The following CCDC170 variants were observed in gnomAD, a reference collection of about 807,000 sequenced individuals.
CCDC170 encodes the protein coiled-coil domain-containing protein 170.
CCDC170 carries 69 observed loss-of-function variants against 72.6 expected under a neutral mutation model. The observed-to-expected ratio is 0.95, with a 90% CI of 0.78 to 1.16. The LOEUF (loss-of-function observed/expected upper bound fraction) is 1.16. Among genes scored for constraint, CCDC170 ranks in the 50% most tolerant of loss-of-function variants. The pLI, the probability that CCDC170 is intolerant of heterozygous loss-of-function variation, is 0.00. For synonymous variants in CCDC170, 300 were observed against 303.9 expected (o/e 0.99, Z 0.13); for missense variants, 852 against 832.5 (o/e 1.02, Z -0.29).
chr6:151,514,517 A>G (rs1782207585), intron 1 of CCDC170, among the ~76,000 whole-genome samples: 2 of 152,168 alleles, frequency 1.3e-5, no homozygotes, highest in Admixed American at 6.5e-5. Context: ...AAGAGGAAGA[A>G]CCCAGAAGGT....
chr6:151,544,834 G>A (rs1037505054), intron 4 of CCDC170, 118 bp downstream of exon 4: 1 of 916,690 alleles, frequency 1.1e-6, no homozygotes, highest in East Asian at 2.5e-5. Flanking sequence ...TAGACCAAGT[G>A]TAGTATTAAT....
chr6:151,523,002 C>G (rs1012888843), intron 1 of CCDC170, among the ~76,000 whole-genome samples: 5 of 152,168 alleles, frequency 3.3e-5, no homozygotes, highest in Admixed American at 2.0e-4. Flanking sequence ...CAAGAACCCT[C>G]TCTTGGGGTC....
At chr6:151,604,390 T>A (rs938001861) in intron 9 of CCDC170, among the ~76,000 whole-genome samples, 3 of 152,148 alleles carry the variant, frequency 2.0e-5, no homozygotes, top group Non-Finnish European at 2.9e-5. Context: ...AGAGGCATGC[T>A]CCTGGGGGTC....
Position 151,593,242 on chromosome 6 carries a change from A to G in CCDC170, c.1429A>G (p.Ile477Val). 6.2e-7 allele frequency: 1 copy of G among 1,614,236 alleles called. No homozygotes were observed. The highest frequency in any genetic ancestry group is 8.5e-7 in the Non-Finnish European group (1 of 1,180,034). The change falls in exon 8 of 11, where the codon ATT becomes GTT. Residue 477 changes from isoleucine to valine, a missense_variant. Transcript: ENST00000239374. ...GGTTCGTCTTGAGAGCAATGCAGTC[A>G]TTGAGAACAAGACCATTGCCCACAA... Reference protein sequence around the residue: ...QLVRLESNAVIENKTIAHNLQ... With the variant: ...QLVRLESNAVVENKTIAHNLQ...
Position 151,618,172 on chromosome 6 carries a change from GC to G in CCDC170, c.*27del. On this transcript the variant is annotated 3_prime_UTR_variant, in exon 11 of 11. Coordinates refer to ENST00000239374, the MANE Select transcript of CCDC170 (RefSeq NM_025059.4). The stretch of plus-strand genomic sequence containing the variant: ...AACACTGTATCTCTTGAGAGAGGTG[GC>G]CATAAGACATGGCACACAATTCCCA... 6.3e-7 allele frequency: 1 copy of G among 1,585,480 alleles called. No homozygotes were observed.
At chr6:151,547,585 G>A (rs1782797248) in intron 4 of CCDC170, among the ~76,000 whole-genome samples, 1 of 152,058 alleles carries the variant, frequency 6.6e-6, no homozygotes, top group African/African-American at 2.4e-5. Context: ...GAGGCTCAAA[G>A]GTATATCACT....
intron 5 of CCDC170, among the ~76,000 whole-genome samples, chr6:151,564,577 C>G (rs1379669325): frequency 3.3e-5 from 5 of 152,160 alleles, no homozygotes; most frequent in African/African-American, 4.8e-5. Flanking sequence ...GGCTCTCAAG[C>G]TGTCTGTGCT....
Position 151,614,629 on chromosome 6 carries a change from A to ATTT in CCDC170, c.1711-799_1711-797dup, listed in dbSNP as rs34242496. On this transcript the variant is annotated intron_variant, in intron 9 of 10. Coordinates refer to ENST00000239374, the MANE Select transcript of CCDC170 (RefSeq NM_025059.4). The stretch of plus-strand genomic sequence containing the variant: ...GCCACCATGGCTGGCTAACTTTTGT[A>ATTT]TTTTTTTTTTTTTTTTTGTTAGTAG... Among the ~76,000 whole-genome samples, 3 of 135,110 alleles carry ATTT rather than the reference A, an allele frequency of 2.2e-5. 1 individual carries two copies. The highest frequency in any genetic ancestry group is 3.2e-5 in the Non-Finnish European group (2 of 62,664). 88.6% of individuals were successfully genotyped at this position (135,110 alleles called of 152,430 possible).
intron 7 of CCDC170, among the ~76,000 whole-genome samples, chr6:151,590,704 A>G (rs550375662): frequency 6.6e-6 from 1 of 152,350 alleles, no homozygotes. Flanking sequence ...CTTTTGAAAT[A>G]GAGACAAAAT....
intron 5 of CCDC170, among the ~76,000 whole-genome samples, chr6:151,562,049 G>T (rs1583027316): frequency 6.6e-6 from 1 of 151,950 alleles, no homozygotes; most frequent in East Asian, 1.9e-4. Context: ...TTACTTTAGT[G>T]ATTTTTTTCA....
chr6:151,536,131 C>A, intron 1 of CCDC170, 187 bp from the exon 2 acceptor site: 1 of 607,258 alleles, frequency 1.6e-6, no homozygotes. Flanking sequence ...CGAACTTTCT[C>A]CTGCTTCCCT....
intron 1 of CCDC170, among the ~76,000 whole-genome samples, chr6:151,514,362 A>T (rs1583004608): frequency 5.9e-5 from 1 of 16,816 alleles, no homozygotes; most frequent in African/African-American, 3.5e-4. Context: ...GGAGGGAGGG[A>T]GGGAGGGAGG....
At chr6:151,507,411 G>A (rs1444124966) in intron 1 of CCDC170, among the ~76,000 whole-genome samples, 1 of 152,094 alleles carries the variant, frequency 6.6e-6, no homozygotes, top group Non-Finnish European at 1.5e-5. Context: ...ATGGGTTTAT[G>A]AGGTTGCAAC....
intron 7 of CCDC170, among the ~76,000 whole-genome samples, chr6:151,590,187 A>G (rs1408807274): frequency 1.3e-5 from 2 of 152,118 alleles, no homozygotes; most frequent in Non-Finnish European, 2.9e-5. Flanking sequence ...ACTTTTTACC[A>G]TTATTGGATT....
chr6:151,593,362 A>G, intron 8 of CCDC170, 82 bp downstream of exon 8: 5 of 1,414,864 alleles, frequency 3.5e-6, no homozygotes, highest in East Asian at 2.4e-5. Flanking sequence ...TACTGCCACC[A>G]TGTTTACCAG....
intron 3 of CCDC170, 128 bp downstream of exon 3, chr6:151,538,429 T>G: frequency 1.1e-6 from 1 of 924,836 alleles, no homozygotes; most frequent in Middle Eastern, 3.4e-4. Flanking sequence ...TGAAAAAAAG[T>G]TATTGACCTC....
intron 9 of CCDC170, 35 bp from the exon 10 acceptor site, chr6:151,615,408 C>A: frequency 7.0e-7 from 1 of 1,431,586 alleles, no homozygotes; most frequent in Non-Finnish European, 9.8e-7. Context: ...TAACTAAATA[C>A]AAAAGGAGTT....
intron 5 of CCDC170, among the ~76,000 whole-genome samples, chr6:151,562,409 G>A (rs1019332488): frequency 6.6e-6 from 1 of 151,908 alleles, no homozygotes; most frequent in Non-Finnish European, 1.5e-5. Context: ...TTTCTCTTAG[G>A]GGTATGGCTG....
chr6:151,592,922 G>C, intron 7 of CCDC170, 185 bp from the exon 8 acceptor site: 1 of 617,296 alleles, frequency 1.6e-6, no homozygotes, highest in Admixed American at 2.8e-5. Flanking sequence ...ACAAGGGGTA[G>C]GCAGGGAACT....
Sources: gnomAD v4.1 joint callset for allele counts (sites outside exome capture counted in the v4.1 genomes callset) on GRCh38, gnomAD v4.1.1 for gene constraint, MANE v1.5 for transcripts, NCBI Gene and HGNC (gene_info 2026-07-23, HGNC 2026-07-21) for gene names.